PHLDB2: variants seen among roughly 807,000 people sequenced by gnomAD.
PHLDB2 encodes pleckstrin homology-like domain family B member 2.
In PHLDB2, 71 loss-of-function variants were observed where a neutral mutation model predicts 123.6. The ratio of observed to expected loss-of-function variants is 0.57; its 90% CI spans 0.47 to 0.70. The LOEUF is 0.70. PHLDB2 is among the 30% of genes least tolerant of loss of function. The pLI, the probability that PHLDB2 is intolerant of heterozygous loss-of-function variation, is 0.00. For missense variants in PHLDB2, 1,446 were observed against 1,519.5 expected (o/e 0.95, Z 0.80); for synonymous variants, 547 against 541.6 (o/e 1.01, Z -0.14).
chr3:111,845,523 G>A (rs2063936678), intron 1 of PHLDB2, among the ~76,000 whole-genome samples: 1 of 152,056 alleles, frequency 6.6e-6, no homozygotes, highest in Non-Finnish European at 1.5e-5. Flanking sequence ...CTAAGAAACT[G>A]GTTCCTCTTT....
intron 1 of PHLDB2, among the ~76,000 whole-genome samples, chr3:111,843,896 A>C (rs928083975): frequency 6.6e-6 from 1 of 152,212 alleles, no homozygotes; most frequent in African/African-American, 2.4e-5. Flanking sequence ...TAAATAGTAC[A>C]CTTTCAATGG....
chr3:111,903,431 C>G (rs2067314896), intron 2 of PHLDB2, among the ~76,000 whole-genome samples: 1 of 152,084 alleles, frequency 6.6e-6, no homozygotes. Context: ...AGCTCTGTTG[C>G]CAGGGGCAGA....
rs144185859 is a variant in PHLDB2 at position 111,874,237 on chromosome 3, A to G, written c.-14-9827A>G. 2.4e-3 allele frequency among the ~76,000 whole-genome samples: 370 copies of G among 152,150 alleles called. 1 individual carries two copies. Among genetic ancestry groups the G allele is most frequent in the African/African-American group, 7.6e-3 (314 of 41,510 alleles). On this transcript the variant is annotated intron_variant, in intron 1 of 17. Transcript: ENST00000431670. ...TTTATACTGCAACCTCCTCAAAACT[A>G]CCACTCTCACTGGATTCGCCCCACT... is the stretch of plus-strand genomic sequence containing the variant.
intron 5 of PHLDB2, among the ~76,000 whole-genome samples, chr3:111,923,203 C>T (rs2068619936): frequency 6.6e-6 from 1 of 152,162 alleles, no homozygotes; most frequent in Non-Finnish European, 1.5e-5. Context: ...CAGATTCTCT[C>T]CTGTTAAGAC....
chr3:111,873,403 A>G (rs1475087644), intron 1 of PHLDB2, among the ~76,000 whole-genome samples: 1 of 152,214 alleles, frequency 6.6e-6, no homozygotes, highest in Admixed American at 6.5e-5. Context: ...GCTTCGTAAT[A>G]TTTTAGTCAG....
upstream of PHLDB2, among the ~76,000 whole-genome samples, chr3:111,855,570 T>C (rs2064453055): frequency 6.7e-6 from 1 of 148,722 alleles, no homozygotes; most frequent in Non-Finnish European, 1.5e-5. Context: ...AATATAATAA[T>C]AACAATAACA....
rs76246439 is a variant in PHLDB2, at chr3:111,822,685, C to T, written c.-48-23136C>T. Among the ~76,000 whole-genome samples, 317 of 152,194 alleles carry T rather than the reference C, an allele frequency of 2.1e-3. 6 individuals are homozygous for T. The East Asian group carries it at 0.046, about 22-fold the overall frequency. ...GCAAGTTGCAGAAGATAAAGCCTGA[C>T]GTCAAAGGAAATTAAGCTAACAACG... On this transcript the variant is annotated intron_variant, in intron 1 of 17. Transcript: ENST00000393923.
At chr3:111,875,755 G>A (rs924387923) in intron 1 of PHLDB2, among the ~76,000 whole-genome samples, 2 of 151,086 alleles carry the variant, frequency 1.3e-5, no homozygotes, top group African/African-American at 2.4e-5. Context: ...CCTTGGAGGC[G>A]GAGGATGCAG....
rs559784459 is a variant in PHLDB2, at chr3:111,739,999, C to A, written c.-49+7296C>A. ...AGGTTATTTTACTTCTGTTTGCTCT[C>A]CTTCTCCACATAAAAAGGAAAGAAT... On this transcript the variant is annotated intron_variant, in intron 1 of 17. Transcript: ENST00000393923. Among the ~76,000 whole-genome samples, 5 of 152,136 alleles carry A rather than the reference C, an allele frequency of 3.3e-5. No individual in the cohort carries two copies. In the South Asian group the frequency reaches 1.0e-3, roughly 32 times the overall value.
intron 1 of PHLDB2, among the ~76,000 whole-genome samples, chr3:111,876,962 T>G (rs181544520): frequency 1.8e-4 from 28 of 152,350 alleles, no homozygotes; most frequent in African/African-American, 6.0e-4. Context: ...CTTTATCCAG[T>G]CTATCATTGA....
At chr3:111,834,690 T>A (rs2063320674) in intron 1 of PHLDB2, among the ~76,000 whole-genome samples, 1 of 152,052 alleles carries the variant, frequency 6.6e-6, no homozygotes, top group South Asian at 2.1e-4. Flanking sequence ...CTTTAATAAA[T>A]GCTGCCAAAT....
chr3:111,741,924 A>G (rs1427662461), intron 1 of PHLDB2, among the ~76,000 whole-genome samples: 2 of 152,194 alleles, frequency 1.3e-5, no homozygotes, highest in African/African-American at 4.8e-5. Flanking sequence ...TGAATTTTAT[A>G]CCCCATTACC....
At chr3:111,818,634 T>C (rs1376840724) in intron 1 of PHLDB2, among the ~76,000 whole-genome samples, 1 of 152,162 alleles carries the variant, frequency 6.6e-6, no homozygotes, top group Non-Finnish European at 1.5e-5. Flanking sequence ...CTCTTTGCAG[T>C]CATGGCCTTG....
chr3:111,883,805 T>C (rs1241760782), intron 1 of PHLDB2, among the ~76,000 whole-genome samples: 1 of 152,242 alleles, frequency 6.6e-6, no homozygotes, highest in African/African-American at 2.4e-5. Flanking sequence ...CACCTTTACT[T>C]GGTTAGGGAT....
chr3:111,900,789 A>G (rs528501821), intron 2 of PHLDB2, among the ~76,000 whole-genome samples: 31 of 152,386 alleles, frequency 2.0e-4, no homozygotes, highest in African/African-American at 6.5e-4. Context: ...TAAAAAATGT[A>G]CTATCTGCAG....
At chr3:111,738,309 C>T (rs1222809671) in intron 1 of PHLDB2, among the ~76,000 whole-genome samples, 7 of 151,996 alleles carry the variant, frequency 4.6e-5, no homozygotes, top group African/African-American at 1.7e-4. Context: ...CTAAAATAGC[C>T]CAACAGAGGC....
intron 1 of PHLDB2, among the ~76,000 whole-genome samples, chr3:111,882,985 T>G (rs2066004303): frequency 6.6e-6 from 1 of 152,192 alleles, no homozygotes; most frequent in South Asian, 2.1e-4. Flanking sequence ...ACTAACCATA[T>G]GTGATACTGT....
chr3:111,740,725 C>G (rs76185991), intron 1 of PHLDB2, among the ~76,000 whole-genome samples: 46,887 of 151,910 alleles, frequency 0.31, 8,212 homozygotes, highest in African/African-American at 0.46. Flanking sequence ...CTTGCCCCCC[C>G]ACCAAATACA....
chr3:111,884,702 A>G lies in PHLDB2; in HGVS notation c.625A>G (p.Arg209Gly). The change falls in exon 2 of 18, where the codon AGG becomes GGG. Residue 209 changes from arginine to glycine, a missense_variant. Arg to Gly is a moderately radical substitution (Grantham distance 125). Transcript: ENST00000431670. ...ASMPSSPKQA[R>G]KMSIQDSLAL... ...CATGCCTTCAAGCCCAAAGCAAGCCAGGAAAATGAGCATTCAGGACAGCCT... is the reference window on the plus strand; with the variant it reads ...CATGCCTTCAAGCCCAAAGCAAGCCGGGAAAATGAGCATTCAGGACAGCCT... 1 of 1,614,188 alleles carries G rather than the reference A, an allele frequency of 6.2e-7. No individual in the cohort carries two copies. The highest frequency in any genetic ancestry group is 8.5e-7 in the Non-Finnish European group (1 of 1,180,036).
Sources: gnomAD v4.1 joint callset for allele counts (sites outside exome capture counted in the v4.1 genomes callset) on GRCh38, gnomAD v4.1.1 for gene constraint, MANE v1.5 for transcripts, NCBI Gene and HGNC (gene_info 2026-07-23, HGNC 2026-07-21) for gene names.